Variants in PPM1L observed in about 807,000 individuals in gnomAD.
PPM1L encodes protein phosphatase 1L.
In PPM1L, 13 loss-of-function variants were observed where a neutral mutation model predicts 31.4. That is an observed-to-expected ratio of 0.41 (90% CI 0.27 to 0.66). PPM1L has a LOEUF of 0.66. Ranked by LOEUF, PPM1L falls within the 30% of genes least tolerant of loss-of-function variation. PPM1L has a pLI of 0.29. For missense variants in PPM1L, 326 were observed against 453.7 expected, an observed-to-expected ratio of 0.72 and a Z score of 2.56; for synonymous variants, 184 against 175.4, an observed-to-expected ratio of 1.05 and a Z score of -0.39.
At chr3:160,830,501 A>C (rs977898055) in intron 1 of PPM1L, among the ~76,000 whole-genome samples, 4 of 152,172 alleles carry the variant, frequency 2.6e-5, no homozygotes, top group African/African-American at 4.8e-5. Context: ...CGTACCCTGA[A>C]AATTTAGGAT....
At chr3:160,993,368 C>G (rs1717197429) in intron 2 of PPM1L, among the ~76,000 whole-genome samples, 1 of 152,086 alleles carries the variant, frequency 6.6e-6, no homozygotes, top group African/African-American at 2.4e-5. Context: ...TATCCTGATT[C>G]TCTACAGGAG....
At chr3:160,757,686 T>C (rs1376128033) in intron 1 of PPM1L, among the ~76,000 whole-genome samples, 1 of 152,240 alleles carries the variant, frequency 6.6e-6, no homozygotes, top group Non-Finnish European at 1.5e-5. Flanking sequence ...ATCTCTCAAA[T>C]TGGCGGTTTG....
rs185276929 is a variant in PPM1L, at chr3:160,930,949, C to G, written c.400-30787C>G. On this transcript the variant is annotated intron_variant, in intron 1 of 3. Coordinates refer to ENST00000498165, the MANE Select transcript of PPM1L (RefSeq NM_139245.4). Reference sequence around the variant, plus strand: ...ATATGGTTAGATAAGTGCAGAGTGCCAGGGAGTGGGAAAGAGAGGGAAACA... The same window carrying G: ...ATATGGTTAGATAAGTGCAGAGTGCGAGGGAGTGGGAAAGAGAGGGAAACA... 9.9e-5 allele frequency among the ~76,000 whole-genome samples: 15 copies of G among 152,112 alleles called. No individual in the cohort carries two copies. The East Asian group carries it at 2.9e-3, about 29-fold the overall frequency.
intron 1 of PPM1L, among the ~76,000 whole-genome samples, chr3:160,827,571 A>G (rs1386566108): frequency 6.6e-6 from 1 of 151,962 alleles, no homozygotes; most frequent in Non-Finnish European, 1.5e-5. Context: ...AAAGACTGCT[A>G]CTTTTAAAGA....
At chr3:160,880,545 T>A (rs1712676325) in intron 1 of PPM1L, among the ~76,000 whole-genome samples, 1 of 152,092 alleles carries the variant, frequency 6.6e-6, no homozygotes, top group African/African-American at 2.4e-5. Flanking sequence ...TCATAGCTGT[T>A]AAATTAGTAG....
intron 1 of PPM1L, among the ~76,000 whole-genome samples, chr3:160,898,827 T>A (rs968946546): frequency 1.3e-5 from 2 of 152,174 alleles, no homozygotes; most frequent in African/African-American, 4.8e-5. Flanking sequence ...CAATTTCTAA[T>A]CTTCATAGCA....
chr3:160,810,765 G>C (rs989136049), intron 1 of PPM1L, among the ~76,000 whole-genome samples: 1 of 152,152 alleles, frequency 6.6e-6, no homozygotes, highest in Non-Finnish European at 1.5e-5. Flanking sequence ...ATTTTGCCTT[G>C]CATAGCAAAA....
At chr3:161,038,151 G>A (rs1442395015) in intron 2 of PPM1L, among the ~76,000 whole-genome samples, 3 of 146,680 alleles carry the variant, frequency 2.0e-5, no homozygotes, top group African/African-American at 5.1e-5. Context: ...GGAGAATGGC[G>A]TGAACCCGGG....
At chr3:160,873,965 T>C (rs1712410549) in intron 1 of PPM1L, among the ~76,000 whole-genome samples, 1 of 152,068 alleles carries the variant, frequency 6.6e-6, no homozygotes, top group African/African-American at 2.4e-5. Flanking sequence ...AATGGTATGG[T>C]CTTTTATATC....
At chr3:160,843,426 T>TTATATATATATATATATATATA (rs55994031) in intron 1 of PPM1L, among the ~76,000 whole-genome samples, 1 of 47,538 alleles carries the variant, frequency 2.1e-5, no homozygotes, top group Non-Finnish European at 4.0e-5. Flanking sequence ...GGCAATTCTT[T>TTATATATATATATATATATATA]TATATATATA....
chr3:160,797,826 T>G lies in PPM1L; in HGVS notation c.399+41119T>G, dbSNP rs556671549. Among the ~76,000 whole-genome samples, 3 of 152,302 alleles carry G rather than the reference T, an allele frequency of 2.0e-5. No homozygotes were observed. The South Asian group carries it at 6.2e-4, about 32-fold the overall frequency. On this transcript the variant is annotated intron_variant, in intron 1 of 3. Transcript: ENST00000498165. The stretch of plus-strand genomic sequence containing the variant: ...AGGTGAGGAAGCTGCAGAAAAAAGT[T>G]GAAAGTTAGCAGAGATTGGTTCATG...
At position 160,761,557 on chromosome 3, in the gene PPM1L, G is replaced by A. The variant is rs142312301; in HGVS notation, c.399+4850G>A. ...CTGCTACAAGTATTAAGAGCCAAAC[G>A]CCTGACCTACCTCTAGCAAATGTGC... On this transcript the variant is annotated intron_variant, in intron 1 of 3. Transcript: ENST00000498165. Among the ~76,000 whole-genome samples the A allele has an allele frequency of 3.8e-3, 579 of 152,288 alleles. 8 individuals are homozygous for A. Among genetic ancestry groups the A allele is most frequent in the African/African-American group, 0.013 (540 of 41,550 alleles).
At position 160,766,839 on chromosome 3, in the gene PPM1L, G is replaced by T. The variant is rs141552929; in HGVS notation, c.399+10132G>T. Among the ~76,000 whole-genome samples, 4 of 150,608 alleles carry T rather than the reference G, an allele frequency of 2.7e-5. No homozygotes were observed. The East Asian group carries it at 5.8e-4, about 22-fold the overall frequency. ...CTTCCAACTTTTCTGGAATTAAGGA[G>T]GGCCTTGATACTCGAGTCTGTTAAG... is the stretch of plus-strand genomic sequence containing the variant. On this transcript the variant is annotated intron_variant, in intron 1 of 3. Transcript: ENST00000498165.
At chr3:160,844,211 A>G (rs957766550) in intron 1 of PPM1L, among the ~76,000 whole-genome samples, 7 of 152,176 alleles carry the variant, frequency 4.6e-5, no homozygotes, top group Admixed American at 1.3e-4. Flanking sequence ...TTCTCTTTAC[A>G]TAAGTGGACT....
chr3:161,048,225 T>G (rs1213299207), intron 2 of PPM1L, among the ~76,000 whole-genome samples: 1 of 152,050 alleles, frequency 6.6e-6, no homozygotes, highest in Non-Finnish European at 1.5e-5. Flanking sequence ...TACAAAGAAC[T>G]CAAACAAATT....
chr3:160,977,061 C>G (rs1199922537), intron 2 of PPM1L, among the ~76,000 whole-genome samples: 2 of 152,088 alleles, frequency 1.3e-5, no homozygotes, highest in Non-Finnish European at 2.9e-5. Context: ...CCCAGAGATT[C>G]TGGTATGTTG....
At chr3:160,827,515 A>C (rs1421681690) in intron 1 of PPM1L, among the ~76,000 whole-genome samples, 2 of 147,392 alleles carry the variant, frequency 1.4e-5, no homozygotes, top group African/African-American at 5.0e-5. Flanking sequence ...CTCCAAGGGT[A>C]AGAGTTACAG....
At chr3:161,014,053 G>A (rs147936436) in intron 2 of PPM1L, among the ~76,000 whole-genome samples, 17 of 152,280 alleles carry the variant, frequency 1.1e-4, no homozygotes, top group Non-Finnish European at 2.1e-4. Flanking sequence ...GCGTGAATTT[G>A]ATCCTGTCAT....
At chr3:160,997,942 G>C (rs1717376805) in intron 2 of PPM1L, among the ~76,000 whole-genome samples, 1 of 152,086 alleles carries the variant, frequency 6.6e-6, no homozygotes, top group Non-Finnish European at 1.5e-5. Flanking sequence ...CAGGATCCAA[G>C]TACCACATGA....
Sources: allele counts gnomAD v4.1 joint callset (sites outside exome capture counted in the v4.1 genomes callset), GRCh38; gene constraint gnomAD v4.1.1; transcripts MANE v1.5; gene names NCBI Gene and HGNC (gene_info 2026-07-23, HGNC 2026-07-21).